The following TMEM65 variants were observed in gnomAD, a reference collection of about 807,000 sequenced individuals.
TMEM65 encodes transmembrane protein 65.
TMEM65 carries 22 observed loss-of-function variants against 25.4 expected under a neutral mutation model. That is an observed-to-expected ratio of 0.86 (90% confidence interval 0.62 to 1.23). TMEM65 has a LOEUF of 1.23. Ranked by LOEUF, TMEM65 falls within the 50% of genes most tolerant of loss-of-function variation. The pLI is 0.00. For missense variants in TMEM65, 262 were observed against 308.2 expected, an observed-to-expected ratio of 0.85 and a Z score of 1.12; for synonymous variants, 132 against 126.2, an observed-to-expected ratio of 1.05 and a Z score of -0.31.
intron 6 of TMEM65, among the ~76,000 whole-genome samples, chr8:124,314,673 T>C (rs1351927697): frequency 7.2e-5 from 11 of 152,116 alleles, no homozygotes; most frequent in Non-Finnish European, 5.9e-5. Context: ...CTTTGTCACC[T>C]AGGCTGGAAC....
intron 1 of TMEM65, among the ~76,000 whole-genome samples, chr8:124,353,945 G>A (rs1256230734): frequency 6.6e-6 from 1 of 152,132 alleles, no homozygotes; most frequent in East Asian, 1.9e-4. Flanking sequence ...AAGTCAGATA[G>A]ATACCATGTT....
intron 4 of TMEM65, among the ~76,000 whole-genome samples, 154 bp from the exon 5 acceptor site, chr8:124,322,301 G>C (rs1196461180): frequency 6.6e-6 from 1 of 152,068 alleles, no homozygotes; most frequent in Admixed American, 6.6e-5. Context: ...TTACTCTCAA[G>C]GTTTTGAAAT....
At chr8:124,317,504 C>T (rs1232912472) in intron 6 of TMEM65, among the ~76,000 whole-genome samples, 2 of 152,182 alleles carry the variant, frequency 1.3e-5, no homozygotes, top group African/African-American at 4.8e-5. Flanking sequence ...TAATTCTGCA[C>T]ATTTTCTCTG....
At chr8:124,357,118 T>A (rs1814792868) in intron 1 of TMEM65, among the ~76,000 whole-genome samples, 2 of 151,992 alleles carry the variant, frequency 1.3e-5, no homozygotes, top group Admixed American at 1.3e-4. Context: ...TAGTTCTTGT[T>A]CTTCTTCCTG....
chr8:124,369,289 G>A (rs529859218), intron 1 of TMEM65, among the ~76,000 whole-genome samples: 3 of 152,182 alleles, frequency 2.0e-5, no homozygotes, highest in Non-Finnish European at 2.9e-5. Flanking sequence ...TATCTATTAC[G>A]AACTGATTCC....
intron 1 of TMEM65, among the ~76,000 whole-genome samples, chr8:124,355,563 T>C (rs1814767128): frequency 6.6e-6 from 1 of 152,226 alleles, no homozygotes; most frequent in Non-Finnish European, 1.5e-5. Context: ...AATTTGCATT[T>C]CAATAAGATT....
At chr8:124,333,259 T>C (rs1814457350) in intron 1 of TMEM65, among the ~76,000 whole-genome samples, 1 of 152,038 alleles carries the variant, frequency 6.6e-6, no homozygotes, top group Admixed American at 6.6e-5. Flanking sequence ...TTTTAAAATG[T>C]AATTACTGCC....
chr8:124,320,791 C>G (rs1814295095), intron 5 of TMEM65, among the ~76,000 whole-genome samples: 1 of 151,946 alleles, frequency 6.6e-6, no homozygotes, highest in African/African-American at 2.4e-5. Flanking sequence ...TGTATACTAC[C>G]AACAATAAGA....
chr8:124,321,521 T>C (rs1377497640), intron 5 of TMEM65, among the ~76,000 whole-genome samples: 3 of 152,112 alleles, frequency 2.0e-5, no homozygotes, highest in African/African-American at 7.2e-5. Context: ...GTCCTTAGTT[T>C]GTTTCATTAT....
At chr8:124,334,861 A>G (rs553198588) in intron 1 of TMEM65, among the ~76,000 whole-genome samples, 2 of 151,778 alleles carry the variant, frequency 1.3e-5, no homozygotes, top group African/African-American at 4.8e-5. Flanking sequence ...AGTTAGTGAA[A>G]ATGATGTCAG....
At chr8:124,356,595 G>A (rs1209067131) in intron 1 of TMEM65, among the ~76,000 whole-genome samples, 3 of 152,078 alleles carry the variant, frequency 2.0e-5, no homozygotes, top group South Asian at 2.1e-4. Flanking sequence ...CATTAAAACT[G>A]CTCTGACAAA....
At chr8:124,331,532 G>A (rs1814432101) in intron 1 of TMEM65, among the ~76,000 whole-genome samples, 1 of 151,058 alleles carries the variant, frequency 6.6e-6, no homozygotes. Context: ...AAGTAACAAA[G>A]TTTTCCCAAG....
chr8:124,331,777 A>G (rs1254702777), intron 1 of TMEM65, among the ~76,000 whole-genome samples: 2 of 151,992 alleles, frequency 1.3e-5, no homozygotes, highest in Non-Finnish European at 2.9e-5. Context: ...CAGATTATCC[A>G]AAGAAACGCA....
intron 3 of TMEM65, among the ~76,000 whole-genome samples, chr8:124,324,281 A>G (rs1554588255): frequency 6.6e-6 from 1 of 152,108 alleles, no homozygotes; most frequent in Non-Finnish European, 1.5e-5. Flanking sequence ...CTCATCAATT[A>G]TTTACAAAAC....
intron 3 of TMEM65, among the ~76,000 whole-genome samples, chr8:124,325,503 C>T (rs1245643001): frequency 1.2e-4 from 18 of 151,872 alleles, no homozygotes; most frequent in Admixed American, 1.2e-3. Flanking sequence ...GTGGCTTAAA[C>T]ATTTATTTCA....
rs144957064 is a variant in TMEM65 at position 124,318,363 on chromosome 8, G to GTTTTTTTTTTTTTTTTTTTTTT, written c.621+1722_621+1723insAAAAAAAAAAAAAAAAAAAAAA. Among the ~76,000 whole-genome samples the GTTTTTTTTTTTTTTTTTTTTTT allele has an allele frequency of 8.1e-5, 6 of 73,840 alleles. 3 individuals carry two copies. The highest frequency in any genetic ancestry group is 1.1e-4 in the African/African-American group (2 of 17,856). 48.4% of individuals were successfully genotyped at this position (73,840 alleles called of 152,430 possible). On this transcript the variant is annotated intron_variant, in intron 6 of 6. Coordinates refer to ENST00000297632, the MANE Select transcript of TMEM65 (RefSeq NM_194291.3). ...TTGTTTTAAGCTGCTGAATTTGCAT[G>GTTTTTTTTTTTTTTTTTTTTTT]TTTTTGTTTTTTTTTTTTTTTTTTT...
At chr8:124,344,871 T>C (rs1233748198) in intron 1 of TMEM65, among the ~76,000 whole-genome samples, 1 of 152,120 alleles carries the variant, frequency 6.6e-6, no homozygotes, top group Non-Finnish European at 1.5e-5. Context: ...AATAAAAACA[T>C]GAAGAGAACA....
At chr8:124,354,859 T>C (rs929204186) in intron 1 of TMEM65, among the ~76,000 whole-genome samples, 3 of 152,186 alleles carry the variant, frequency 2.0e-5, no homozygotes, top group African/African-American at 7.2e-5. Context: ...AGAGGAATGA[T>C]AGGGCATCAT....
intron 2 of TMEM65, 28 bp downstream of exon 2, chr8:124,330,720 A>T (rs1178047060): frequency 3.1e-6 from 5 of 1,587,598 alleles, no homozygotes; most frequent in Non-Finnish European, 4.3e-6. Context: ...ACAGATGAAC[A>T]TATATTTAAC....
Sources: allele counts gnomAD v4.1 joint callset (sites outside exome capture counted in the v4.1 genomes callset), GRCh38; gene constraint gnomAD v4.1.1; transcripts MANE v1.5; gene names NCBI Gene and HGNC (gene_info 2026-07-23, HGNC 2026-07-21).